PRKN: variants seen among roughly 807,000 people sequenced by gnomAD.
PRKN encodes the protein parkin RBR E3 ubiquitin protein ligase, also known as E3 ubiquitin-protein ligase parkin.
In PRKN, 56 loss-of-function variants were observed where a neutral mutation model predicts 59.5. That is an observed-to-expected ratio of 0.94 (90% CI 0.76 to 1.18). PRKN has a LOEUF of 1.18. PRKN is among the 50% of genes most tolerant of loss of function. The pLI, the probability that PRKN is intolerant of heterozygous loss-of-function variation, is 0.00. For synonymous variants in PRKN, 250 were observed against 222.1 expected (o/e 1.13, Z -1.12); for missense variants, 657 against 596.4 (o/e 1.10, Z -1.06).
At chr6:162,004,954 A>C (rs1165089537) in intron 5 of PRKN, among the ~76,000 whole-genome samples, 1 of 152,236 alleles carries the variant, frequency 6.6e-6, no homozygotes, top group Non-Finnish European at 1.5e-5. Flanking sequence ...AAAATACTAA[A>C]CATATACATT....
intron 7 of PRKN, among the ~76,000 whole-genome samples, chr6:161,643,562 G>A (rs190806945): frequency 2.4e-4 from 36 of 152,312 alleles, no homozygotes; most frequent in Non-Finnish European, 4.9e-4. Context: ...ACATAGGCCA[G>A]TGAACAGATA....
intron 10 of PRKN, among the ~76,000 whole-genome samples, chr6:161,370,180 G>A (rs1349267739): frequency 1.3e-5 from 2 of 151,732 alleles, no homozygotes; most frequent in Non-Finnish European, 2.9e-5. Flanking sequence ...GAACACTTGA[G>A]TCTAGGAGTT....
At chr6:161,683,584 C>A (rs539881673) in intron 7 of PRKN, among the ~76,000 whole-genome samples, 2 of 152,314 alleles carry the variant, frequency 1.3e-5, no homozygotes, top group Admixed American at 6.5e-5. Flanking sequence ...CTTGACAGGG[C>A]AGCACCTGAA....
chr6:162,529,444 T>C (rs1258048866), intron 1 of PRKN, among the ~76,000 whole-genome samples: 3 of 152,174 alleles, frequency 2.0e-5, no homozygotes, highest in East Asian at 1.9e-4. Context: ...CGATATACTA[T>C]GAAAGTTCTT....
chr6:161,995,726 T>G (rs758557610), intron 5 of PRKN, among the ~76,000 whole-genome samples: 1 of 152,172 alleles, frequency 6.6e-6, no homozygotes, highest in African/African-American at 2.4e-5. Flanking sequence ...TACCTCAGTA[T>G]GGCTATTATC....
intron 7 of PRKN, among the ~76,000 whole-genome samples, chr6:161,671,137 G>A (rs374601257): frequency 6.6e-6 from 1 of 152,280 alleles, no homozygotes; most frequent in Non-Finnish European, 1.5e-5. Flanking sequence ...CTGAGCCCGG[G>A]CGCAGATGGG....
rs3220723 is a variant in PRKN at position 161,774,382 on chromosome 6, GCACACACACACACACACA to G, written c.871+11372_871+11389del. On this transcript the variant is annotated intron_variant, in intron 7 of 11. Transcript: ENST00000366898. ...CTCCCCCATCCTTTCTACTCCCTGA[GCACACACACACACACACA>G]CACACACACACACACACACACACAC... 1.9e-3 allele frequency among the ~76,000 whole-genome samples: 251 copies of G among 131,030 alleles called. 3 individuals are homozygous for G. Among genetic ancestry groups the G allele is most frequent in the East Asian group, 0.017 (76 of 4,434 alleles). The allele number at this position is 131,030 out of a possible 152,430, so 86.0% of individuals were successfully genotyped here. A position where few individuals can be genotyped will look rare whatever the true frequency, so the allele number is the denominator to read the frequency against.
At chr6:162,006,801 A>G (rs1782274600) in intron 5 of PRKN, among the ~76,000 whole-genome samples, 1 of 152,138 alleles carries the variant, frequency 6.6e-6, no homozygotes. Context: ...GATCTCCATC[A>G]TGGCACTTAT....
chr6:161,762,011 G>T (rs1287654722), intron 7 of PRKN, among the ~76,000 whole-genome samples: 1 of 152,184 alleles, frequency 6.6e-6, no homozygotes, highest in African/African-American at 2.4e-5. Context: ...GAGCGAGAGT[G>T]GGCAGGCAGT....
In PRKN at chr6:161,461,066, T is replaced by A. The variant is rs1361723554; in HGVS notation, c.1084-74189A>T. On this transcript the variant is annotated intron_variant, in intron 9 of 11. Coordinates refer to ENST00000366898, the MANE Select transcript of PRKN (RefSeq NM_004562.3). This position sits in a 1 kb window ranked among gnomAD's most constrained non-coding sequence, Gnocchi z 5.1. ...GCCACCATGCCCGGTCCAAGAGTCA[T>A]CTTTATCATAAGTACTTACTGTCTA... is the stretch of plus-strand genomic sequence containing the variant. Among the ~76,000 whole-genome samples the A allele has an allele frequency of 6.6e-6, 1 of 152,102 alleles. No homozygotes were observed. Among genetic ancestry groups the A allele is most frequent in the Non-Finnish European group, 1.5e-5 (1 of 68,006 alleles).
intron 1 of PRKN, among the ~76,000 whole-genome samples, chr6:162,578,212 G>C (rs1410792194): frequency 6.6e-6 from 1 of 152,044 alleles, no homozygotes; most frequent in African/African-American, 2.4e-5. Flanking sequence ...TAATGGTACT[G>C]AGTGAAAAAC....
At chr6:162,366,259 T>C (rs1476434009) in intron 2 of PRKN, among the ~76,000 whole-genome samples, 1 of 152,210 alleles carries the variant, frequency 6.6e-6, no homozygotes, top group African/African-American at 2.4e-5. Context: ...GTTGAAAATC[T>C]TTTTTATTCT....
At chr6:162,217,935 G>A (rs891606645) in intron 3 of PRKN, among the ~76,000 whole-genome samples, 9 of 152,124 alleles carry the variant, frequency 5.9e-5, no homozygotes, top group Non-Finnish European at 1.3e-4. Flanking sequence ...GGTGAGCAGG[G>A]GTGTGGGAAA....
chr6:161,541,471 A>G (rs966176927), intron 9 of PRKN, among the ~76,000 whole-genome samples: 1 of 152,224 alleles, frequency 6.6e-6, no homozygotes, highest in Admixed American at 6.5e-5. Context: ...TCGATTTGCC[A>G]TAAAACTGAT....
chr6:161,436,633 A>G (rs1231480159), intron 9 of PRKN, among the ~76,000 whole-genome samples: 1 of 151,998 alleles, frequency 6.6e-6, no homozygotes, highest in Non-Finnish European at 1.5e-5. Flanking sequence ...AGAGAAAGGC[A>G]TGATGGGAAC....
intron 1 of PRKN, among the ~76,000 whole-genome samples, chr6:162,588,387 A>G (rs922475760): frequency 6.7e-6 from 1 of 149,496 alleles, no homozygotes; most frequent in African/African-American, 2.4e-5. Flanking sequence ...TATTCCTCAC[A>G]TTAACAAAAA....
At chr6:161,806,741 T>A (rs977431238) in intron 6 of PRKN, among the ~76,000 whole-genome samples, 4 of 152,226 alleles carry the variant, frequency 2.6e-5, no homozygotes, top group African/African-American at 4.8e-5. Context: ...TGAACATCCA[T>A]CTGGTATTTG....
intron 2 of PRKN, among the ~76,000 whole-genome samples, chr6:162,364,974 TCTCTC>T (rs796690017): frequency 2.5e-3 from 359 of 145,752 alleles, no homozygotes; most frequent in African/African-American, 8.7e-3. Flanking sequence ...TCTCTCTCTC[TCTCTC>T]TTTTTTTTTT....
chr6:162,516,595 T>C (rs189284128), intron 1 of PRKN, among the ~76,000 whole-genome samples: 2 of 151,962 alleles, frequency 1.3e-5, no homozygotes, highest in Non-Finnish European at 1.5e-5. Context: ...CTACTAAAAA[T>C]ACAAAAATTA....
Sources: allele counts gnomAD v4.1 joint callset (sites outside exome capture counted in the v4.1 genomes callset), GRCh38; gene constraint gnomAD v4.1.1; non-coding constraint Gnocchi (gnomAD v3.1); transcripts MANE v1.5; gene names NCBI Gene and HGNC (gene_info 2026-07-23, HGNC 2026-07-21).